Variants in SYNGR2 observed in about 807,000 individuals in gnomAD.
The protein encoded by SYNGR2 is synaptogyrin-2.
Under a neutral mutation model 18.7 loss-of-function variants are expected in SYNGR2, and 11 were observed. The ratio of observed to expected loss-of-function variants is 0.59; its 90% confidence interval spans 0.37 to 0.97. The LOEUF is 0.97. Ranked by LOEUF, SYNGR2 falls within the 50% of genes least tolerant of loss-of-function variation. The pLI is 0.01. For missense variants in SYNGR2, 253 were observed against 300.7 expected (o/e 0.84, Z 1.17); for synonymous variants, 127 against 131.0 (o/e 0.97, Z 0.21).
chr17:78,171,590 G>T lies in SYNGR2; in HGVS notation c.418G>T (p.Val140Leu). Residue 140 changes from valine (V) to leucine (L), a missense_variant, in exon 3 of 4, where the codon GTG (valine) becomes TTG (leucine). Coordinates refer to ENST00000225777, the MANE Select transcript of SYNGR2 (RefSeq NM_004710.7). The surrounding 1 kb of genome is among the most constrained non-coding windows in gnomAD (Gnocchi z 6.6). ...AGTCACCAACCCGAAGGACGTGCTG[G>T]TGGGGGCCGACTCTGTGAGGGCAGC... ...WAVTNPKDVL[V>L]GADSVRAAIT... 1 of 1,558,240 alleles carries T rather than the reference G, an allele frequency of 6.4e-7. No homozygotes were observed. Among genetic ancestry groups the T allele is most frequent in the Non-Finnish European group, 8.7e-7 (1 of 1,150,240 alleles).
chr17:78,172,366 C>A lies in SYNGR2; in HGVS notation c.*430C>A. The A allele has an allele frequency of 3.3e-6, 1 of 302,244 alleles. No individual in the cohort carries two copies. Among genetic ancestry groups the A allele is most frequent in the South Asian group, 6.4e-5 (1 of 15,572 alleles). The allele number at this position is 302,244 out of a possible 1,614,324, so 18.7% of individuals were successfully genotyped here. ...ATCACACCTGCCCTGTGCAGCGGAG[C>A]CGGACCAGGCTCTTGTGTCCTCACT... On this transcript the variant is annotated 3_prime_UTR_variant, in exon 4 of 4. Transcript: ENST00000225777.
rs1342509441 is a variant in SYNGR2, at chr17:78,168,624, G to C, written c.8G>C (p.Ser3Thr). The change falls in exon 1 of 4, where the codon AGC (serine) becomes ACC (threonine). Residue 3 changes from serine to threonine, a missense_variant. Physicochemically the swap from Ser to Thr is moderately conservative, Grantham distance 58 (BLOSUM62 1). Coordinates refer to ENST00000225777, the MANE Select transcript of SYNGR2 (RefSeq NM_004710.7). The stretch of plus-strand genomic sequence containing the variant: ...AGCGGCGGCGACGGCGACATGGAGA[G>C]CGGGGCCTACGGCGCGGCCAAGGCG... Reference protein sequence around the residue: MESGAYGAAKAGG... With the variant: METGAYGAAKAGG... 5 of 1,203,448 alleles carry C rather than the reference G, an allele frequency of 4.2e-6. No homozygotes were observed. In the African/African-American group the frequency reaches 6.3e-5, roughly 15 times the overall value. The allele number at this position is 1,203,448 out of a possible 1,614,324, so 74.5% of individuals were successfully genotyped here.
chr17:78,172,376 C>T lies in SYNGR2; in HGVS notation c.*440C>T, dbSNP rs2075666759. On this transcript the variant is annotated 3_prime_UTR_variant, in exon 4 of 4. Transcript: ENST00000225777. ...CCCTGTGCAGCGGAGCCGGACCAGGCTCTTGTGTCCTCACTCAGGTTTGCT... is the reference window on the plus strand; with the variant it reads ...CCCTGTGCAGCGGAGCCGGACCAGGTTCTTGTGTCCTCACTCAGGTTTGCT... The T allele has an allele frequency of 1.4e-5, 4 of 276,980 alleles. No individual in the cohort carries two copies. The South Asian group carries it at 2.2e-4, about 15-fold the overall frequency. 17.2% of individuals were successfully genotyped at this position (276,980 alleles called of 1,614,324 possible). A position where few individuals can be genotyped will look rare whatever the true frequency, so the allele number is the denominator to read the frequency against.
chr17:78,169,583 C>G (rs1323445407), intron 1 of SYNGR2: 1 of 152,440 alleles, frequency 6.6e-6, no homozygotes, highest in Non-Finnish European at 1.5e-5. Flanking sequence ...CTGTGACTGC[C>G]AGCTCCAGAG....
At position 78,168,677 on chromosome 17, in the gene SYNGR2, C is replaced by G. The variant is rs11557900; in HGVS notation, c.61C>G (p.Leu21Val). The change falls in exon 1 of 4, where the codon CTG becomes GTG. Residue 21 changes from leucine (L) to valine (V), a missense_variant. By Grantham distance (32) the Leu-to-Val change is conservative. Transcript: ENST00000225777. ...CGGCTCCTTCGACCTGCGGCGCTTC[C>G]TGACGCAGCCGCAGGTGGTGGCGCG... Reference protein sequence around the residue: ...AGGSFDLRRFLTQPQVVARAV... With the variant: ...AGGSFDLRRFVTQPQVVARAV... 2.7e-3 allele frequency: 3,296 copies of G among 1,204,136 alleles called. 147 individuals are homozygous for G. The East Asian group carries it at 0.091, about 33-fold the overall frequency. 74.6% of individuals were successfully genotyped at this position (1,204,136 alleles called of 1,614,324 possible).
In SYNGR2 at chr17:78,171,180, GA is replaced by G; in HGVS notation, c.337+129del. ...GCTCACTCCTCCAGGGCATTTTTAG[GA>G]AAGGGTTTTCAGCTAGTGTTTTTCC... On this transcript the variant is annotated intron_variant, in intron 2 of 3. Coordinates refer to ENST00000225777, the MANE Select transcript of SYNGR2 (RefSeq NM_004710.7). This position sits in a 1 kb window ranked among gnomAD's most constrained non-coding sequence, Gnocchi z 6.6. The G allele has an allele frequency of 1.0e-6, 1 of 961,724 alleles. No homozygotes were observed. Among genetic ancestry groups the G allele is most frequent in the Non-Finnish European group, 1.6e-6 (1 of 640,568 alleles). The allele number at this position is 961,724 out of a possible 1,614,324, so 59.6% of individuals were successfully genotyped here. A position where few individuals can be genotyped will look rare whatever the true frequency, so the allele number is the denominator to read the frequency against.
chr17:78,169,760 A>G (rs1345607928), intron 1 of SYNGR2: 1 of 152,364 alleles, frequency 6.6e-6, no homozygotes, highest in Non-Finnish European at 1.5e-5. Context: ...GCTCTTCCCA[A>G]GGGGCTGGAG....
chr17:78,169,265 T>TGGGGGGGGGG (rs1199152774), intron 1 of SYNGR2: 1 of 69,052 alleles, frequency 1.4e-5, no homozygotes, highest in African/African-American at 1.8e-4. Flanking sequence ...TTTGTGTGTG[T>TGGGGGGGGGG]GTGTGTGTGG....
chr17:78,172,601 G>A lies in SYNGR2; in HGVS notation c.*665G>A, dbSNP rs1017612966. On this transcript the variant is annotated 3_prime_UTR_variant, in exon 4 of 4. Coordinates refer to ENST00000225777, the MANE Select transcript of SYNGR2 (RefSeq NM_004710.7). The stretch of plus-strand genomic sequence containing the variant: ...TGCAGTTGTTACTTAGGAAGCCTGG[G>A]GAGGGCAGGGGTGCCCCATGGCTCC... 2.0e-5 allele frequency: 3 copies of A among 152,868 alleles called. No homozygotes were observed. Among genetic ancestry groups the A allele is most frequent in the African/African-American group, 7.2e-5 (3 of 41,470 alleles). The allele number at this position is 152,868 out of a possible 1,614,324, so 9.5% of individuals were successfully genotyped here.
intron 1 of SYNGR2, 72 bp from the exon 2 acceptor site, chr17:78,170,745 C>A (rs775869320): frequency 1.5e-5 from 20 of 1,340,694 alleles, no homozygotes; most frequent in East Asian, 6.9e-5. Context: ...CATCTGTACA[C>A]CCCATCAGGG....
chr17:78,168,607 C>A lies in SYNGR2; in HGVS notation c.-10C>A. On this transcript the variant is annotated 5_prime_UTR_variant, in exon 1 of 4. Coordinates refer to ENST00000225777, the MANE Select transcript of SYNGR2 (RefSeq NM_004710.7). ...CGTTCCGCGGCGGCGGCAGCGGCGG[C>A]GACGGCGACATGGAGAGCGGGGCCT... The A allele has an allele frequency of 3.3e-6, 4 of 1,194,448 alleles. No individual in the cohort carries two copies. The highest frequency in any genetic ancestry group is 4.2e-6 in the Non-Finnish European group (4 of 962,028). 74.0% of individuals were successfully genotyped at this position (1,194,448 alleles called of 1,614,324 possible).
Position 78,171,047 on chromosome 17 carries a change from C to G in SYNGR2, c.330C>G (p.Leu110=). 1 of 1,613,000 alleles carries G rather than the reference C, an allele frequency of 6.2e-7. No homozygotes were observed. Among genetic ancestry groups the G allele is most frequent in the Non-Finnish European group, 8.5e-7 (1 of 1,179,824 alleles). Residue 110 remains leucine (L), a synonymous_variant, in exon 2 of 4, where the codon CTC becomes CTG. Transcript: ENST00000225777. This position sits in a 1 kb window ranked among gnomAD's most constrained non-coding sequence, Gnocchi z 6.6. ...AGTACCTGGTCATTGGTGACCTGCT[C>G]TTCTCAGGTATCTGCCTGTGGCACC... ...DRKYLVIGDL[L]FSALWTFLWF...
chr17:78,172,921 T>TAAC (rs1007659632), downstream of SYNGR2: 4 of 152,242 alleles, frequency 2.6e-5, no homozygotes, highest in Admixed American at 2.0e-4. Context: ...CTTAAAATAG[T>TAAC]AACTGTGCTC....
Position 78,171,093 on chromosome 17 carries a change from G to A in SYNGR2, c.337+39G>A. On this transcript the variant is annotated intron_variant, in intron 2 of 3. Coordinates refer to ENST00000225777, the MANE Select transcript of SYNGR2 (RefSeq NM_004710.7). This position sits in a 1 kb window ranked among gnomAD's most constrained non-coding sequence, Gnocchi z 6.6. The stretch of plus-strand genomic sequence containing the variant: ...GCACCTCCATTTGATCTTGGGGGAG[G>A]CATTAACTCTAGGGTTCCGCAGCTG... 1 of 1,592,308 alleles carries A rather than the reference G, an allele frequency of 6.3e-7. No individual in the cohort carries two copies.
At chr17:78,169,276 C>CGGGG (rs112057394) in intron 1 of SYNGR2, 5 of 131,948 alleles carry the variant, frequency 3.8e-5, no homozygotes, top group African/African-American at 1.4e-4. Context: ...GTGTGTGTGG[C>CGGGG]GGGGAGGGGG....
At position 78,170,894 on chromosome 17, in the gene SYNGR2, C is replaced by T. The variant is rs144226445; in HGVS notation, c.177C>T (p.Cys59=). 1,415 of 1,613,466 alleles carry T rather than the reference C, an allele frequency of 8.8e-4. 22 individuals carry two copies. In the Admixed American group the frequency reaches 0.022, roughly 25 times the overall value. ...CCCACGAGTCTAAGCAGATGTACTG[C>T]GTGTTCAACCGCAACGAGGATGCCT... ...SNAHESKQMY[C]VFNRNEDACR... is the part of the protein sequence containing the mutation. Residue 59 remains cysteine, a synonymous_variant, in exon 2 of 4, where the codon TGC becomes TGT. Coordinates refer to ENST00000225777, the MANE Select transcript of SYNGR2 (RefSeq NM_004710.7).
intron 1 of SYNGR2, chr17:78,169,274 GGC>G (rs1567826245): frequency 6.9e-6 from 1 of 145,338 alleles, no homozygotes; most frequent in African/African-American, 2.7e-5. Flanking sequence ...GTGTGTGTGT[GGC>G]GGGGAGGGGG....
At position 78,168,666 on chromosome 17, in the gene SYNGR2, T is replaced by A; in HGVS notation, c.50T>A (p.Leu17Gln). The A allele has an allele frequency of 1.7e-6, 2 of 1,204,602 alleles. No homozygotes were observed. Among genetic ancestry groups the A allele is most frequent in the Non-Finnish European group, 2.1e-6 (2 of 970,418 alleles). 74.6% of individuals were successfully genotyped at this position (1,204,602 alleles called of 1,614,324 possible). Residue 17 changes from leucine to glutamine, a missense_variant, in exon 1 of 4, where the codon CTG (leucine) becomes CAG (glutamine). Transcript: ENST00000225777. ...GCCAAGGCGGGCGGCTCCTTCGACCTGCGGCGCTTCCTGACGCAGCCGCAG... is the reference window on the plus strand; with the variant it reads ...GCCAAGGCGGGCGGCTCCTTCGACCAGCGGCGCTTCCTGACGCAGCCGCAG... The part of the protein sequence containing the change: ...GAAKAGGSFD[L>Q]RRFLTQPQVV...
chr17:78,172,202 GACC>G lies in SYNGR2; in HGVS notation c.*267_*269del. ...GCTAGTGTTTTTCCTCGCTTTTAAT[GACC>G]TCAGCCCCGCCTGCAGTGGCTAGAA... is the stretch of plus-strand genomic sequence containing the variant. On this transcript the variant is annotated 3_prime_UTR_variant, in exon 4 of 4. Coordinates refer to ENST00000225777, the MANE Select transcript of SYNGR2 (RefSeq NM_004710.7). 1 of 750,472 alleles carries G rather than the reference GACC, an allele frequency of 1.3e-6. No individual in the cohort carries two copies. Among genetic ancestry groups the G allele is most frequent in the South Asian group, 2.0e-5 (1 of 49,560 alleles). 46.5% of individuals were successfully genotyped at this position (750,472 alleles called of 1,614,324 possible). A position where few individuals can be genotyped will look rare whatever the true frequency, so the allele number is the denominator to read the frequency against.
Sources: allele counts gnomAD v4.1 joint callset, GRCh38; gene constraint gnomAD v4.1.1; non-coding constraint Gnocchi (gnomAD v3.1); transcripts MANE v1.5; gene names NCBI Gene and HGNC (gene_info 2026-07-23, HGNC 2026-07-21).